NKAIN3: variants seen among roughly 807,000 people sequenced by gnomAD.
The protein encoded by NKAIN3 is sodium/potassium transporting ATPase interacting 3.
Under a neutral mutation model 30.2 loss-of-function variants are expected in NKAIN3, and 25 were observed. That is an observed-to-expected ratio of 0.83 (90% CI 0.60 to 1.16). The LOEUF (loss-of-function observed/expected upper bound fraction) is 1.16, where lower values mean the gene tolerates loss of function less well. Among genes scored for constraint, NKAIN3 ranks in the 50% most tolerant of loss-of-function variants. NKAIN3 has a pLI of 0.00. For missense variants in NKAIN3, 225 were observed against 254.1 expected (o/e 0.89, Z 0.78); for synonymous variants, 91 against 89.6 (o/e 1.02, Z -0.09).
At chr8:62,746,509 T>C (rs1475725114) in intron 3 of NKAIN3, among the ~76,000 whole-genome samples, 1 of 152,186 alleles carries the variant, frequency 6.6e-6, no homozygotes, top group African/African-American at 2.4e-5. Flanking sequence ...TTCAAGAATA[T>C]AATATGTGAA....
chr8:62,293,709 G>C (rs112890383), intron 1 of NKAIN3, among the ~76,000 whole-genome samples: 1,603 of 152,314 alleles, frequency 0.011, 38 homozygotes, highest in African/African-American at 0.036. Flanking sequence ...GAGGCAGTCT[G>C]TCTGTTCTCA....
intron 4 of NKAIN3, chr8:62,863,293 G>A (rs1270151755): frequency 4.5e-6 from 7 of 1,549,564 alleles, no homozygotes; most frequent in African/African-American, 1.4e-5. Context: ...CTGTGGAGCC[G>A]TACTCACTGC....
At chr8:62,391,253 C>A (rs1000244114) in intron 1 of NKAIN3, among the ~76,000 whole-genome samples, 1 of 152,070 alleles carries the variant, frequency 6.6e-6, no homozygotes, top group African/African-American at 2.4e-5. Context: ...TCTTTGGTAT[C>A]CTGGGAATTT....
intron 4 of NKAIN3, among the ~76,000 whole-genome samples, chr8:62,892,154 CT>C (rs1392078166): frequency 6.6e-6 from 1 of 152,160 alleles, no homozygotes; most frequent in East Asian, 1.9e-4. Context: ...CATTTAATTA[CT>C]TTCCTGAGTA....
intron 5 of NKAIN3, among the ~76,000 whole-genome samples, chr8:62,995,909 C>G (rs1295457042): frequency 3.3e-5 from 5 of 152,192 alleles, no homozygotes; most frequent in Non-Finnish European, 7.3e-5. Context: ...ATTCTCAAGC[C>G]TCACCTCAGA....
intron 4 of NKAIN3, among the ~76,000 whole-genome samples, chr8:62,887,939 C>G (rs920449098): frequency 6.6e-6 from 1 of 152,020 alleles, no homozygotes; most frequent in Non-Finnish European, 1.5e-5. Context: ...TTTTAGTATG[C>G]CTTGTAATTG....
chr8:62,863,292 C>T (rs779159135), intron 4 of NKAIN3: 17 of 1,551,254 alleles, frequency 1.1e-5, no homozygotes, highest in Middle Eastern at 1.7e-4. Context: ...GCTGTGGAGC[C>T]GTACTCACTG....
intron 6 of NKAIN3, among the ~76,000 whole-genome samples, chr8:62,958,168 C>T (rs1022418601): frequency 6.6e-6 from 1 of 151,698 alleles, no homozygotes; most frequent in Non-Finnish European, 1.5e-5. Context: ...CCATAGTTCT[C>T]GTATAAAGTG....
intron 1 of NKAIN3, among the ~76,000 whole-genome samples, chr8:62,289,694 T>C (rs1401057843): frequency 2.0e-5 from 3 of 152,174 alleles, no homozygotes; most frequent in Non-Finnish European, 2.9e-5. Flanking sequence ...CCAGCTTTGT[T>C]CTTTTGGCTT....
At chr8:62,859,624 G>A (rs968129067) in intron 4 of NKAIN3, among the ~76,000 whole-genome samples, 5 of 151,192 alleles carry the variant, frequency 3.3e-5, no homozygotes, top group African/African-American at 7.3e-5. Context: ...GTGTGCATGC[G>A]TGTGTGTGTG....
chr8:62,708,098 A>G (rs1374983070), intron 3 of NKAIN3, among the ~76,000 whole-genome samples: 1 of 152,134 alleles, frequency 6.6e-6, no homozygotes, highest in African/African-American at 2.4e-5. Context: ...CTATTTTTAT[A>G]CTGGTACCAT....
chr8:62,763,252 A>C (rs908304790), intron 4 of NKAIN3, among the ~76,000 whole-genome samples: 1 of 141,142 alleles, frequency 7.1e-6, no homozygotes, highest in Non-Finnish European at 1.5e-5. Flanking sequence ...AAAAAAAAAA[A>C]AAAAAAAAAC....
chr8:62,810,638 G>GGT (rs1563573647), intron 4 of NKAIN3, among the ~76,000 whole-genome samples: 2 of 120,206 alleles, frequency 1.7e-5, no homozygotes, highest in South Asian at 2.8e-4. Flanking sequence ...TAGGTAGAAA[G>GGT]TTTTTTTTTT....
intron 1 of NKAIN3, among the ~76,000 whole-genome samples, chr8:62,257,694 A>T (rs1406357101): frequency 1.3e-5 from 2 of 152,228 alleles, no homozygotes. Context: ...ATACCCTTGA[A>T]CATATGTAGT....
intron 1 of NKAIN3, among the ~76,000 whole-genome samples, chr8:62,327,068 G>C (rs1304904343): frequency 6.6e-6 from 1 of 151,844 alleles, no homozygotes; most frequent in Non-Finnish European, 1.5e-5. Flanking sequence ...CTAATGATTA[G>C]TGATGGTAAA....
rs79911469 is a variant in NKAIN3, at chr8:62,262,870, A to T, written c.54+13743A>T. 6.9e-3 allele frequency among the ~76,000 whole-genome samples: 1,049 copies of T among 152,292 alleles called. 30 individuals carry two copies. The highest frequency in any genetic ancestry group is 0.059 in the East Asian group (307 of 5,180). ...AAAGTGTCTTTATACACACTTTTTA[A>T]CTCCTTCCCTACTAATGATACATTT... On this transcript the variant is annotated intron_variant, in intron 1 of 6. Coordinates refer to ENST00000623646, the MANE Select transcript of NKAIN3 (RefSeq NM_001304533.3).
rs887343652 is a variant in NKAIN3 at position 62,976,291 on chromosome 8, G to C, written c.*10884G>C. ...CTAATACACACAATGGAGTGTTAAA[G>C]TCTCCCACTATTATTGTGTGGTAGT... On this transcript the variant is annotated 3_prime_UTR_variant, in exon 7 of 7. Transcript: ENST00000623646. 1.3e-5 allele frequency among the ~76,000 whole-genome samples: 2 copies of C among 152,080 alleles called. No homozygotes were observed. Among genetic ancestry groups the C allele is most frequent in the African/African-American group, 4.8e-5 (2 of 41,420 alleles).
chr8:62,704,525 T>C (rs1281111807), intron 3 of NKAIN3, among the ~76,000 whole-genome samples: 1 of 152,182 alleles, frequency 6.6e-6, no homozygotes, highest in East Asian at 1.9e-4. Flanking sequence ...CAATTCTTAG[T>C]TGTAGGCTCA....
chr8:62,899,622 T>C (rs560040135), intron 4 of NKAIN3, among the ~76,000 whole-genome samples: 1 of 152,014 alleles, frequency 6.6e-6, no homozygotes, highest in East Asian at 1.9e-4. Flanking sequence ...CTGGGGATGG[T>C]TAATAGGTAT....
Sources: allele counts gnomAD v4.1 joint callset (sites outside exome capture counted in the v4.1 genomes callset), GRCh38; gene constraint gnomAD v4.1.1; transcripts MANE v1.5; gene names NCBI Gene and HGNC (gene_info 2026-07-23, HGNC 2026-07-21).